POU2F2: variants seen among roughly 807,000 people sequenced by gnomAD.
POU2F2 encodes the protein POU domain, class 2, transcription factor 2.
POU2F2 carries 14 observed loss-of-function variants against 63.5 expected under a neutral mutation model. The observed-to-expected ratio is 0.22, with a 90% confidence interval of 0.15 to 0.34. The LOEUF (loss-of-function observed/expected upper bound fraction) is 0.34, where lower values mean the gene tolerates loss of function less well. Among genes scored for constraint, POU2F2 ranks in the 10% least tolerant of loss-of-function variants. The probability of loss-of-function intolerance (pLI) is 1.00; values close to 1 mark genes in which losing one functional copy is unlikely to be tolerated. For missense variants in POU2F2, 607 were observed against 815.2 expected, an observed-to-expected ratio of 0.74 and a Z score of 3.11; for synonymous variants, 306 against 348.6, an observed-to-expected ratio of 0.88 and a Z score of 1.36.
chr19:42,187,579 T>C (rs1336909115), intron 1 of POU2F2, among the ~76,000 whole-genome samples: 1 of 149,552 alleles, frequency 6.7e-6, no homozygotes, highest in Non-Finnish European at 1.5e-5. Context: ...CTGGCAAACA[T>C]GGTGAAACCC....
chr19:42,099,217 T>A (rs538294030), intron 7 of POU2F2: 1 of 311,402 alleles, frequency 3.2e-6, no homozygotes, highest in East Asian at 6.5e-5. Flanking sequence ...TGCAATTTTG[T>A]GTGTTTTTAC....
At chr19:42,118,602 A>G (rs758255684) in intron 4 of POU2F2, among the ~76,000 whole-genome samples, 1 of 152,236 alleles carries the variant, frequency 6.6e-6, no homozygotes, top group Non-Finnish European at 1.5e-5. Flanking sequence ...TGAATATGAT[A>G]TGGACACACC....
Position 42,086,314 on chromosome 19 carries a change from A to G in POU2F2, c.*4943T>C, listed in dbSNP as rs932083565. 2 of 152,188 alleles carry G rather than the reference A, an allele frequency of 1.3e-5. No individual in the cohort carries two copies. The highest frequency in any genetic ancestry group is 4.8e-5 in the African/African-American group (2 of 41,402). The allele number at this position is 152,188 out of a possible 1,614,324, so 9.4% of individuals were successfully genotyped here. A position where few individuals can be genotyped will look rare whatever the true frequency, so the allele number is the denominator to read the frequency against. ...ACAGGAAGGGAAGGAAGGGGCTACC[A>G]ACACAGGGGTCAGACGGAACTGAAA... On this transcript the variant is annotated 3_prime_UTR_variant, in exon 15 of 15. Transcript: ENST00000692977.
intron 1 of POU2F2, among the ~76,000 whole-genome samples, chr19:42,173,753 A>AC (rs1265315175): frequency 1.3e-5 from 2 of 151,454 alleles, no homozygotes; most frequent in African/African-American, 4.9e-5. Flanking sequence ...CGCAACCAAG[A>AC]CCCCCAAAGA....
chr19:42,165,385 C>T (rs2034631156), intron 1 of POU2F2, among the ~76,000 whole-genome samples: 1 of 152,188 alleles, frequency 6.6e-6, no homozygotes, highest in Non-Finnish European at 1.5e-5. Context: ...ACAGGAGGAA[C>T]TGCTGGAGGG....
At chr19:42,142,315 C>T (rs924051383) in intron 2 of POU2F2, among the ~76,000 whole-genome samples, 10 of 151,788 alleles carry the variant, frequency 6.6e-5, no homozygotes, top group Non-Finnish European at 1.5e-4. Flanking sequence ...CTCAGCCTCC[C>T]GAGTAGCTGG....
rs1325112848 is a variant in POU2F2, at chr19:42,162,302, G to A, written c.-69-1910C>T. On this transcript the variant is annotated intron_variant, in intron 1 of 6. Coordinates refer to the POU2F2 transcript ENST00000524801. This position sits in a 1 kb window ranked among gnomAD's most constrained non-coding sequence, Gnocchi z 4.1. ...GTTCCCAAACCCCAATATGCCCTCC[G>A]ACAGAGGGGAGAGGATCCCTCTCCC... 3.3e-5 allele frequency among the ~76,000 whole-genome samples: 5 copies of A among 152,002 alleles called. No homozygotes were observed. Among genetic ancestry groups the A allele is most frequent in the African/African-American group, 7.2e-5 (3 of 41,382 alleles).
Position 42,092,059 on chromosome 19 carries a change from A to AC in POU2F2, c.1466+9dup, listed in dbSNP as rs749749907. Reference sequence around the variant, plus strand: ...CTTCTCCCCACAGCTTCCCACGTGCACCCACTTACCCCGTGCTGGGGTTCA... The same window carrying AC: ...CTTCTCCCCACAGCTTCCCACGTGCACCCCACTTACCCCGTGCTGGGGTTCA... On this transcript the variant is annotated intron_variant, in intron 13 of 14. Coordinates refer to ENST00000692977, the MANE Select transcript of POU2F2 (RefSeq NM_001394376.1). The surrounding 1 kb of genome is among the most constrained non-coding windows in gnomAD (Gnocchi z 5.0). The AC allele has an allele frequency of 7.6e-5, 121 of 1,590,280 alleles. No homozygotes were observed. In the African/African-American group the frequency reaches 1.3e-3, roughly 17 times the overall value.
rs2076573934 is a variant in POU2F2 at position 42,087,086 on chromosome 19, TTTTTTTTCAC to T, written c.*4161_*4170del. On this transcript the variant is annotated 3_prime_UTR_variant, in exon 15 of 15. Transcript: ENST00000692977. ...TATTTTTTTTTATTTTTATTTTTAA[TTTTTTTTCAC>T]TTTTTTTCCAACATATAAAAAGGTA... The T allele has an allele frequency of 6.6e-6, 1 of 151,342 alleles. No individual in the cohort carries two copies. Among genetic ancestry groups the T allele is most frequent in the South Asian group, 2.1e-4 (1 of 4,818 alleles). 9.4% of individuals were successfully genotyped at this position (151,342 alleles called of 1,614,324 possible). A position where few individuals can be genotyped will look rare whatever the true frequency, so the allele number is the denominator to read the frequency against.
In POU2F2 at chr19:42,092,422, A is replaced by C. The variant is rs1230187499; in HGVS notation, c.1265-152T>G. 4.4e-6 allele frequency: 3 copies of C among 678,290 alleles called. No homozygotes were observed. Among genetic ancestry groups the C allele is most frequent in the Non-Finnish European group, 7.8e-6 (3 of 383,184 alleles). 42.0% of individuals were successfully genotyped at this position (678,290 alleles called of 1,614,324 possible). On this transcript the variant is annotated intron_variant, in intron 12 of 14. Transcript: ENST00000692977. This position sits in a 1 kb window ranked among gnomAD's most constrained non-coding sequence, Gnocchi z 5.0. Reference sequence around the variant, plus strand: ...AGACCTCCCTGCCCTCTCTTCCCAGAGTCATTTCCCTGTGCCTCTGCCATG... The same window carrying C: ...AGACCTCCCTGCCCTCTCTTCCCAGCGTCATTTCCCTGTGCCTCTGCCATG...
chr19:42,191,437 C>T (rs576441732), intron 1 of POU2F2, among the ~76,000 whole-genome samples: 4 of 152,318 alleles, frequency 2.6e-5, no homozygotes, highest in African/African-American at 9.6e-5. Context: ...CTCCTTCAGA[C>T]CTAAGGGTGG....
At chr19:42,138,318 G>A (rs2146751868) in intron 2 of POU2F2, among the ~76,000 whole-genome samples, 1 of 152,322 alleles carries the variant, frequency 6.6e-6, no homozygotes, top group South Asian at 2.1e-4. Flanking sequence ...TCCTGGCACA[G>A]AAGATTGGGG....
At chr19:42,128,688 G>C (rs1003075024) in intron 1 of POU2F2, among the ~76,000 whole-genome samples, 1 of 152,148 alleles carries the variant, frequency 6.6e-6, no homozygotes, top group African/African-American at 2.4e-5. Context: ...CTCGGCCTCA[G>C]CCTCAGCCTG....
In POU2F2 at chr19:42,091,557, G is replaced by A. The variant is rs1009974947; in HGVS notation, c.1575C>T (p.Ser525=). 4 of 1,552,518 alleles carry A rather than the reference G, an allele frequency of 2.6e-6. No homozygotes were observed. In the African/African-American group the frequency reaches 4.1e-5, roughly 16 times the overall value. The change falls in exon 15 of 15, where the codon AGC becomes AGT. Residue 525 remains serine (S), a synonymous_variant. Transcript: ENST00000692977. ...GCACCAGATTCCCGCTGCCATCAAG[G>A]CTGGTAAGGGGCAGGGTTCCACCAG... is the stretch of plus-strand genomic sequence containing the variant. The part of the protein sequence containing the change: ...LASGGTLPLT[S]LDGSGNLVLG...
chr19:42,091,115 T>TGGTTGTTTTTTTGGTC lies in POU2F2; in HGVS notation c.*126_*141dup. The TGGTTGTTTTTTTGGTC allele has an allele frequency of 1.7e-6, 1 of 587,190 alleles. No homozygotes were observed. The highest frequency in any genetic ancestry group is 2.6e-6 in the Non-Finnish European group (1 of 387,870). 36.4% of individuals were successfully genotyped at this position (587,190 alleles called of 1,614,324 possible). Reference sequence around the variant, plus strand: ...TTTCCTTTTTTTTTTTTTTTTTGGTTGGTTGTTTTTTTGGTCTTTCCTCCC... The same window carrying TGGTTGTTTTTTTGGTC: ...TTTCCTTTTTTTTTTTTTTTTTGGTTGGTTGTTTTTTTGGTCGGTTGTTTTTTTGGTCTTTCCTCCC... On this transcript the variant is annotated 3_prime_UTR_variant, in exon 15 of 15. Transcript: ENST00000692977.
intron 7 of POU2F2, among the ~76,000 whole-genome samples, chr19:42,099,001 T>G (rs2077027709): frequency 6.6e-6 from 1 of 152,216 alleles, no homozygotes; most frequent in South Asian, 2.1e-4. Flanking sequence ...ATTTTCTGGT[T>G]TATCAAGAGG....
At chr19:42,147,446 T>G (rs989345225) in intron 2 of POU2F2, among the ~76,000 whole-genome samples, 4 of 152,226 alleles carry the variant, frequency 2.6e-5, no homozygotes, top group Non-Finnish European at 5.9e-5. Context: ...GACTTATCAG[T>G]TCCTGATTTT....
At chr19:42,171,010 A>G (rs887427594) in intron 1 of POU2F2, among the ~76,000 whole-genome samples, 4 of 152,236 alleles carry the variant, frequency 2.6e-5, no homozygotes, top group Non-Finnish European at 5.9e-5. Context: ...CATTTGTTGA[A>G]TCTCCCTTAC....
chr19:42,109,428 G>C (rs963561898), intron 5 of POU2F2, among the ~76,000 whole-genome samples: 1 of 152,182 alleles, frequency 6.6e-6, no homozygotes, highest in Non-Finnish European at 1.5e-5. Context: ...GAGTAGGGGA[G>C]AACAGGAAGG....
Sources: allele counts gnomAD v4.1 joint callset (sites outside exome capture counted in the v4.1 genomes callset), GRCh38; gene constraint gnomAD v4.1.1; non-coding constraint Gnocchi (gnomAD v3.1); transcripts MANE v1.5; gene names NCBI Gene and HGNC (gene_info 2026-07-23, HGNC 2026-07-21).